The following CLEC3A variants were observed in gnomAD, a reference collection of about 807,000 sequenced individuals.
CLEC3A encodes C-type lectin domain family 3 member A.
In CLEC3A, 28 loss-of-function variants were observed where a neutral mutation model predicts 20.4. The observed-to-expected ratio is 1.37, with a 90% CI of 1.02 to 1.88. The LOEUF is 1.88. Among genes scored for constraint, CLEC3A ranks in the 40% most tolerant of loss-of-function variants. The pLI is 0.00. For synonymous variants in CLEC3A, 110 were observed against 88.1 expected (o/e 1.25, Z -1.39); for missense variants, 357 against 240.4 (o/e 1.48, Z -3.21).
Position 78,030,737 on chromosome 16 carries a change from C to T in CLEC3A, c.490C>T (p.Arg164Ter), listed in dbSNP as rs766693018. Residue 164 changes from arginine (R) to a stop codon, truncating the protein, a stop_gained, in exon 3 of 3, where the codon CGA (arginine) becomes TGA (stop). Transcript: ENST00000299642. LOFTEE classifies it high-confidence loss of function. ...WDRAQPNGGKRENCVLFSQSA... is the reference protein window; with the variant it reads ...WDRAQPNGGK Reference sequence around the variant, plus strand: ...CCGTGCACAGCCTAACGGTGGCAAGCGAGAAAACTGTGTCCTGTTCTCCCA... The same window carrying T: ...CCGTGCACAGCCTAACGGTGGCAAGTGAGAAAACTGTGTCCTGTTCTCCCA... 2.5e-6 allele frequency: 4 copies of T among 1,614,064 alleles called. No homozygotes were observed. Among genetic ancestry groups the T allele is most frequent in the Non-Finnish European group, 3.4e-6 (4 of 1,179,998 alleles).
intron 1 of CLEC3A, among the ~76,000 whole-genome samples, chr16:78,026,704 A>G (rs2029932763): frequency 6.6e-6 from 1 of 152,206 alleles, no homozygotes; most frequent in Non-Finnish European, 1.5e-5. Context: ...TGAAGACCTC[A>G]CAAGCTGCCA....
At chr16:78,029,411 C>A (rs943820954) in intron 2 of CLEC3A, among the ~76,000 whole-genome samples, 1 of 152,144 alleles carries the variant, frequency 6.6e-6, no homozygotes, top group Non-Finnish European at 1.5e-5. Flanking sequence ...CACTGTTGCC[C>A]GGGCTGGAGT....
intron 1 of CLEC3A, among the ~76,000 whole-genome samples, chr16:78,027,404 G>C (rs1597152243): frequency 1.3e-5 from 2 of 152,142 alleles, no homozygotes; most frequent in African/African-American, 4.8e-5. Flanking sequence ...AAGAATACAG[G>C]AAAGCGCTGG....
Position 78,030,730 on chromosome 16 carries a change from T to C in CLEC3A, c.483T>C (p.Gly161=), listed in dbSNP as rs750852356. The stretch of plus-strand genomic sequence containing the variant: ...ACTGGGACCGTGCACAGCCTAACGG[T>C]GGCAAGCGAGAAAACTGTGTCCTGT... The part of the protein sequence containing the change: ...FLNWDRAQPN[G]GKRENCVLFS... Residue 161 remains glycine, a synonymous_variant, in exon 3 of 3, where the codon GGT becomes GGC. Coordinates refer to ENST00000299642, the MANE Select transcript of CLEC3A (RefSeq NM_005752.6). 1.9e-6 allele frequency: 3 copies of C among 1,614,032 alleles called. No homozygotes were observed. Among genetic ancestry groups the C allele is most frequent in the Non-Finnish European group, 1.7e-6 (2 of 1,180,004 alleles).
At chr16:78,026,859 C>G (rs936284012) in intron 1 of CLEC3A, among the ~76,000 whole-genome samples, 47 of 152,280 alleles carry the variant, frequency 3.1e-4, no homozygotes, top group African/African-American at 1.1e-3. Context: ...ACTTAAGTTG[C>G]TAATACCTAA....
intron 1 of CLEC3A, among the ~76,000 whole-genome samples, chr16:78,023,541 G>A (rs1049004664): frequency 3.9e-5 from 6 of 152,060 alleles, no homozygotes; most frequent in East Asian, 1.9e-4. Flanking sequence ...CACATCCTCT[G>A]CATCATTTTC....
At chr16:78,026,598 G>A (rs541628965) in intron 1 of CLEC3A, among the ~76,000 whole-genome samples, 1 of 152,194 alleles carries the variant, frequency 6.6e-6, no homozygotes, top group African/African-American at 2.4e-5. Context: ...GACAATGATT[G>A]TGTCTCTCTC....
At chr16:78,030,308 G>A (rs1358703856) in intron 2 of CLEC3A, 139 bp from the exon 3 acceptor site, 8 of 758,264 alleles carry the variant, frequency 1.1e-5, no homozygotes, top group Admixed American at 5.3e-5. Context: ...CATGTTGTCC[G>A]GCACATAGAA....
At chr16:78,028,529 G>C (rs1374369303) in intron 2 of CLEC3A, among the ~76,000 whole-genome samples, 1 of 152,206 alleles carries the variant, frequency 6.6e-6, no homozygotes, top group Non-Finnish European at 1.5e-5. Context: ...GTGCCTATCA[G>C]GCCACCAGGA....
At chr16:78,026,301 G>C (rs2029920650) in intron 1 of CLEC3A, among the ~76,000 whole-genome samples, 1 of 152,184 alleles carries the variant, frequency 6.6e-6, no homozygotes, top group African/African-American at 2.4e-5. Context: ...GTGAATTTTA[G>C]ACTGTCCTGA....
chr16:78,023,924 A>G (rs2018780524), intron 1 of CLEC3A, among the ~76,000 whole-genome samples: 1 of 151,672 alleles, frequency 6.6e-6, no homozygotes. Flanking sequence ...CGCTCGACTA[A>G]TTTTTTGTAT....
chr16:78,030,836 C>A lies in CLEC3A; in HGVS notation c.589C>A (p.Gln197Lys), dbSNP rs2072663. Residue 197 changes from glutamine (Q) to lysine (K), a missense_variant, in exon 3 of 3, where the codon CAA (glutamine) becomes AAA (lysine). Gln to Lys is a moderately conservative substitution (Grantham distance 53). Transcript: ENST00000299642. The part of the protein sequence containing the change: ...KRYICEFTIP[Q>K] ...ATACATATGCGAGTTCACCATCCCT[C>A]AATAGGTCTTTCTCCAATGTGTCCT... is the stretch of plus-strand genomic sequence containing the variant. 209,306 of 1,608,442 alleles carry A rather than the reference C, an allele frequency of 0.13. 14,311 individuals are homozygous for A. The highest frequency in any genetic ancestry group is 0.22 in the East Asian group (10,051 of 44,764).
At chr16:78,024,531 T>C (rs551062143) in intron 1 of CLEC3A, among the ~76,000 whole-genome samples, 30 of 152,200 alleles carry the variant, frequency 2.0e-4, no homozygotes, top group African/African-American at 7.2e-4. Context: ...CAAAACTGAC[T>C]AGGTACACAC....
intron 2 of CLEC3A, 132 bp downstream of exon 2, chr16:78,028,322 C>T (rs2204891): frequency 0.88 from 519,151 of 587,402 alleles, 230,844 homozygotes; most frequent in East Asian, 0.94. Context: ...GCCCCAATGC[C>T]GGGAGATGAT....
intron 1 of CLEC3A, among the ~76,000 whole-genome samples, chr16:78,027,410 G>T (rs893221319): frequency 2.0e-5 from 3 of 152,156 alleles, no homozygotes; most frequent in African/African-American, 7.2e-5. Flanking sequence ...ACAGGAAAGC[G>T]CTGGAGCAAG....
rs778341200 is a variant in CLEC3A at position 78,030,587 on chromosome 16, C to G, written c.340C>G (p.Leu114Val). ...CAGGAACTCCGACGAAATCAACGCC[C>G]TCCAAGACTATGGTAAAAGGAGCCT... is the stretch of plus-strand genomic sequence containing the variant. ...IPRNSDEINA[L>V]QDYGKRSLPG... Residue 114 changes from leucine (L) to valine (V), a missense_variant, in exon 3 of 3, where the codon CTC (leucine) becomes GTC (valine). Coordinates refer to ENST00000299642, the MANE Select transcript of CLEC3A (RefSeq NM_005752.6). 2 of 1,614,172 alleles carry G rather than the reference C, an allele frequency of 1.2e-6. No homozygotes were observed. Among genetic ancestry groups the G allele is most frequent in the Non-Finnish European group, 1.7e-6 (2 of 1,180,040 alleles).
In CLEC3A at chr16:78,022,824, C is replaced by A. The variant is rs1435365643; in HGVS notation, c.115+83C>A. The A allele has an allele frequency of 2.8e-6, 4 of 1,435,158 alleles. No individual in the cohort carries two copies. The Admixed American group carries it at 6.0e-5, about 22-fold the overall frequency. The allele number at this position is 1,435,158 out of a possible 1,614,324, so 88.9% of individuals were successfully genotyped here. A position where few individuals can be genotyped will look rare whatever the true frequency, so the allele number is the denominator to read the frequency against. On this transcript the variant is annotated intron_variant, in intron 1 of 2. Transcript: ENST00000299642. ...GGACAATGTTAATTTTCAAACTCCT[C>A]CAGGAGACTATCTTCGGTGATGGCA...
Position 78,031,435 on chromosome 16 carries a change from T to TG in CLEC3A, c.*594_*595insG, listed in dbSNP as rs1328018287. 3 of 150,370 alleles carry TG rather than the reference T, an allele frequency of 2.0e-5. No individual in the cohort carries two copies. The highest frequency in any genetic ancestry group is 7.3e-5 in the African/African-American group (3 of 41,052). 9.3% of individuals were successfully genotyped at this position (150,370 alleles called of 1,614,324 possible). On this transcript the variant is annotated 3_prime_UTR_variant, in exon 3 of 3. Transcript: ENST00000299642. ...ACCCCTGAAGAGGTTCTGATTTGAT[T>TG]TTTTTTTTTTCTTCATGCCTACCCT...
intron 2 of CLEC3A, among the ~76,000 whole-genome samples, chr16:78,028,608 G>T (rs765109686): frequency 1.3e-5 from 2 of 152,204 alleles, no homozygotes; most frequent in Admixed American, 1.3e-4. Flanking sequence ...TGCCAACAGG[G>T]CAGCGCCAGC....
Sources: gnomAD v4.1 joint callset for allele counts (sites outside exome capture counted in the v4.1 genomes callset) on GRCh38, gnomAD v4.1.1 for gene constraint, MANE v1.5 for transcripts, NCBI Gene and HGNC (gene_info 2026-07-23, HGNC 2026-07-21) for gene names.